Variants in GPATCH8 observed in about 807,000 individuals in gnomAD.
GPATCH8 encodes the protein G-patch domain containing 8.
A neutral mutation model predicts 118.3 loss-of-function variants in GPATCH8; 18 were observed. The observed-to-expected ratio is 0.15, with a 90% CI of 0.11 to 0.23. The LOEUF is 0.23. GPATCH8 is among the 10% of genes least tolerant of loss of function. GPATCH8 has a pLI of 1.00. For synonymous variants in GPATCH8, 659 were observed against 684.7 expected (o/e 0.96, Z 0.59); for missense variants, 1,631 against 1,873.8 (o/e 0.87, Z 2.39).
chr17:44,492,521 G>T (rs892487221), intron 1 of GPATCH8, among the ~76,000 whole-genome samples: 1 of 151,910 alleles, frequency 6.6e-6, no homozygotes, highest in African/African-American at 2.4e-5. Flanking sequence ...GCAGTGAGCC[G>T]AGATGTAGTC....
At chr17:44,467,196 C>G (rs1157418648) in intron 2 of GPATCH8, 1 of 445,368 alleles carries the variant, frequency 2.2e-6, no homozygotes, top group African/African-American at 2.1e-5. Context: ...GTCTTGTTTT[C>G]AATTCACTGC....
chr17:44,489,091 T>C (rs539174835), intron 1 of GPATCH8, among the ~76,000 whole-genome samples: 21 of 151,560 alleles, frequency 1.4e-4, no homozygotes, highest in African/African-American at 5.1e-4. Context: ...AAACAAAAAG[T>C]AAAACAAAAA....
At chr17:44,467,032 AC>A in intron 2 of GPATCH8, 1 of 644,214 alleles carries the variant, frequency 1.6e-6, no homozygotes, top group South Asian at 1.5e-5. Flanking sequence ...AAATAAACAG[AC>A]AGATGAAGCA....
rs1404614850 is a variant in GPATCH8, at chr17:44,397,395, A to C, written c.*173T>G. On this transcript the variant is annotated 3_prime_UTR_variant, in exon 8 of 8. Transcript: ENST00000591680. ...CAGGAAAAAGAAATCCCTGATAGTA[A>C]ACTGAAAGCAAACTTCAAATCTAAA... 2.9e-6 allele frequency: 2 copies of C among 700,794 alleles called. No individual in the cohort carries two copies. Among genetic ancestry groups the C allele is most frequent in the African/African-American group, 1.7e-5 (1 of 57,156 alleles). 43.4% of individuals were successfully genotyped at this position (700,794 alleles called of 1,614,324 possible).
At chr17:44,431,632 C>G (rs939515838) in intron 5 of GPATCH8, among the ~76,000 whole-genome samples, 1 of 151,670 alleles carries the variant, frequency 6.6e-6, no homozygotes, top group African/African-American at 2.4e-5. Context: ...AGCTATTTGG[C>G]TCTAAGACTA....
chr17:44,426,749 T>C (rs1241439464), intron 5 of GPATCH8, among the ~76,000 whole-genome samples: 2 of 152,100 alleles, frequency 1.3e-5, no homozygotes, highest in African/African-American at 4.8e-5. Flanking sequence ...AGTAAAGTTA[T>C]TGAATCTTAA....
At chr17:44,500,797 G>T (rs1367484083) in intron 1 of GPATCH8, among the ~76,000 whole-genome samples, 1 of 152,190 alleles carries the variant, frequency 6.6e-6, no homozygotes, top group Non-Finnish European at 1.5e-5. Context: ...TATAGTCAGT[G>T]GCTTCACCCA....
chr17:44,482,381 G>A (rs931735674), intron 1 of GPATCH8, among the ~76,000 whole-genome samples: 4 of 151,858 alleles, frequency 2.6e-5, no homozygotes, highest in African/African-American at 4.8e-5. Flanking sequence ...AGACCAGCCT[G>A]GCCAACATGG....
At position 44,400,359 on chromosome 17, in the gene GPATCH8, T is replaced by C. The variant is rs1441385159; in HGVS notation, c.1718A>G (p.Tyr573Cys). 3 of 1,614,070 alleles carry C rather than the reference T, an allele frequency of 1.9e-6. No individual in the cohort carries two copies. Among genetic ancestry groups the C allele is most frequent in the Non-Finnish European group, 2.5e-6 (3 of 1,179,916 alleles). Residue 573 changes from tyrosine (Y) to cysteine (C), a missense_variant, in exon 8 of 8, where the codon TAT (tyrosine) becomes TGT (cysteine). Transcript: ENST00000591680. Reference sequence around the variant, plus strand: ...GTTCCTTGAAAGTTTAAAGTCAAAATATAAAGGGTTACAACTGTATGAAAT... The same window carrying C: ...GTTCCTTGAAAGTTTAAAGTCAAAACATAAAGGGTTACAACTGTATGAAAT... Reference protein sequence around the residue: ...PSISYSCNPLYFDFKLSRNKD... With the variant: ...PSISYSCNPLCFDFKLSRNKD...
At chr17:44,476,749 T>C (rs1967813722) in intron 1 of GPATCH8, among the ~76,000 whole-genome samples, 2 of 152,184 alleles carry the variant, frequency 1.3e-5, no homozygotes. Context: ...GCAAAGGAGA[T>C]AAACATGCTT....
chr17:44,476,177 G>C (rs1305014088), intron 1 of GPATCH8, among the ~76,000 whole-genome samples: 1 of 151,780 alleles, frequency 6.6e-6, no homozygotes, highest in Non-Finnish European at 1.5e-5. Flanking sequence ...GAAGACTACA[G>C]AGTCTTACAA....
At chr17:44,461,999 C>T (rs1259801580) in intron 3 of GPATCH8, among the ~76,000 whole-genome samples, 1 of 152,144 alleles carries the variant, frequency 6.6e-6, no homozygotes, top group Non-Finnish European at 1.5e-5. Flanking sequence ...AGCACCCTGC[C>T]TAAAATCTCC....
At chr17:44,457,324 TCA>T (rs1228829063) in intron 3 of GPATCH8, among the ~76,000 whole-genome samples, 3 of 152,190 alleles carry the variant, frequency 2.0e-5, no homozygotes, top group Non-Finnish European at 4.4e-5. Flanking sequence ...CAATAATGCC[TCA>T]GTTTTACTAT....
chr17:44,487,365 T>A (rs1968863987), intron 1 of GPATCH8, among the ~76,000 whole-genome samples: 1 of 152,200 alleles, frequency 6.6e-6, no homozygotes, highest in Non-Finnish European at 1.5e-5. Context: ...TGAATAATAT[T>A]CCATTGGTAT....
At chr17:44,446,244 C>T (rs1030212449) in intron 3 of GPATCH8, among the ~76,000 whole-genome samples, 2 of 152,044 alleles carry the variant, frequency 1.3e-5, no homozygotes, top group African/African-American at 2.4e-5. Flanking sequence ...GTCACCATGC[C>T]GCCTATATTA....
At chr17:44,408,127 G>A (rs984331301) in intron 6 of GPATCH8, among the ~76,000 whole-genome samples, 1 of 151,960 alleles carries the variant, frequency 6.6e-6, no homozygotes, top group Admixed American at 6.6e-5. Context: ...CCCCAAACAC[G>A]TAACAGGCTC....
At chr17:44,454,536 G>A (rs754897923) in intron 3 of GPATCH8, among the ~76,000 whole-genome samples, 2 of 152,126 alleles carry the variant, frequency 1.3e-5, no homozygotes, top group Non-Finnish European at 2.9e-5. Context: ...TTTCTATACA[G>A]CATGCAAGTT....
intron 5 of GPATCH8, among the ~76,000 whole-genome samples, chr17:44,425,178 C>G (rs2050046420): frequency 6.6e-6 from 1 of 152,134 alleles, no homozygotes; most frequent in Admixed American, 6.6e-5. Flanking sequence ...TATTCATTTG[C>G]TAATGTCGCA....
At chr17:44,502,699 A>C (rs1970176869) in intron 1 of GPATCH8, among the ~76,000 whole-genome samples, 1 of 152,208 alleles carries the variant, frequency 6.6e-6, no homozygotes, top group South Asian at 2.1e-4. Flanking sequence ...ATCATAGTCC[A>C]GTAACTTACT....
Sources: gnomAD v4.1 joint callset for allele counts (sites outside exome capture counted in the v4.1 genomes callset) on GRCh38, gnomAD v4.1.1 for gene constraint, MANE v1.5 for transcripts, NCBI Gene and HGNC (gene_info 2026-07-23, HGNC 2026-07-21) for gene names.